PRDM7: variants seen among roughly 807,000 people sequenced by gnomAD.
PRDM7 encodes the protein PR/SET domain 7.
A neutral mutation model predicts 64.3 loss-of-function variants in PRDM7; 52 were observed. That is an observed-to-expected ratio of 0.81 (90% CI 0.65 to 1.02). The LOEUF is 1.02. Ranked by LOEUF, PRDM7 falls within the 50% of genes least tolerant of loss-of-function variation. The probability of loss-of-function intolerance (pLI) is 0.00; values close to 1 mark genes in which losing one functional copy is unlikely to be tolerated. For missense variants in PRDM7, 574 were observed against 597.1 expected, an observed-to-expected ratio of 0.96 and a Z score of 0.40; for synonymous variants, 192 against 210.1, an observed-to-expected ratio of 0.91 and a Z score of 0.74.
Position 90,057,138 on chromosome 16 carries a change from G to C in PRDM7, c.*1151C>G, listed in dbSNP as rs1157619324. 1.3e-5 allele frequency: 2 copies of C among 152,518 alleles called. No individual in the cohort carries two copies. The highest frequency in any genetic ancestry group is 2.9e-5 in the Non-Finnish European group (2 of 68,392). 9.4% of individuals were successfully genotyped at this position (152,518 alleles called of 1,614,324 possible). A position where few individuals can be genotyped will look rare whatever the true frequency, so the allele number is the denominator to read the frequency against. ...CATGCATGCAGGCTTAACACACATA[G>C]CACACGTGAACACATATATACACAC... On this transcript the variant is annotated 3_prime_UTR_variant, in exon 11 of 11. Transcript: ENST00000449207.
chr16:90,063,352 C>G (rs1192703308), intron 6 of PRDM7, among the ~76,000 whole-genome samples: 2 of 152,106 alleles, frequency 1.3e-5, no homozygotes, highest in Non-Finnish European at 2.9e-5. Context: ...GCATGAAAAT[C>G]GCTATTTTCG....
chr16:90,064,538 C>A (rs531141148), intron 5 of PRDM7, among the ~76,000 whole-genome samples: 1 of 151,836 alleles, frequency 6.6e-6, no homozygotes, highest in South Asian at 2.1e-4. Context: ...CTCAGCCTCC[C>A]GAGAAGCTAG....
At chr16:90,064,238 A>G (rs190216392) in intron 5 of PRDM7, among the ~76,000 whole-genome samples, 3 of 152,362 alleles carry the variant, frequency 2.0e-5, no homozygotes, top group Non-Finnish European at 4.4e-5. Flanking sequence ...CTAGACAACT[A>G]AGAAAGTGAA....
intron 6 of PRDM7, 83 bp downstream of exon 6, chr16:90,063,529 G>C (rs1314680498): frequency 6.6e-7 from 1 of 1,506,660 alleles, no homozygotes; most frequent in Non-Finnish European, 9.2e-7. Context: ...CCTATCCAAA[G>C]TCCACCCCAC....
intron 5 of PRDM7, among the ~76,000 whole-genome samples, chr16:90,065,597 T>C (rs1336674517): frequency 6.7e-6 from 1 of 150,254 alleles, no homozygotes; most frequent in African/African-American, 2.5e-5. Context: ...TAGCTGGGCA[T>C]GGTGGTGCAT....
At chr16:90,061,873 G>A (rs1243259579) in intron 8 of PRDM7, 48 bp downstream of exon 8, 1 of 1,612,426 alleles carries the variant, frequency 6.2e-7, no homozygotes, top group Non-Finnish European at 8.5e-7. Flanking sequence ...CAAAGGCACA[G>A]AAGGGATGTG....
At chr16:90,062,617 C>CT (rs2037802179) in intron 6 of PRDM7, 115 bp from the exon 7 acceptor site, 2 of 936,238 alleles carry the variant, frequency 2.1e-6, no homozygotes, top group Middle Eastern at 2.9e-4. Context: ...TCTACATACT[C>CT]TAGTCTCCCT....
intron 4 of PRDM7, among the ~76,000 whole-genome samples, chr16:90,069,207 G>A (rs1047465807): frequency 1.3e-5 from 2 of 151,194 alleles, no homozygotes; most frequent in African/African-American, 4.9e-5. Context: ...ATAAACCCTC[G>A]TGTATATGGT....
rs1309934884 is a variant in PRDM7, at chr16:90,060,425, G to A, written c.1149C>T (p.Cys383=). 2.3e-5 allele frequency: 37 copies of A among 1,613,588 alleles called. No individual in the cohort carries two copies. The highest frequency in any genetic ancestry group is 3.1e-5 in the Non-Finnish European group (36 of 1,179,828). Residue 383 remains cysteine, a synonymous_variant, in exon 10 of 11, where the codon TGC becomes TGT. Transcript: ENST00000449207. ...CCATACTCATCCCCATACCAGACCAGCAGTTCACAGCCTGGCCTAATGACT... is the reference window on the plus strand; with the variant it reads ...CCATACTCATCCCCATACCAGACCAACAGTTCACAGCCTGGCCTAATGACT... ...PAESLGQAVN[C]WSGMGMSMAR... is the part of the protein sequence containing the mutation.
In PRDM7 at chr16:90,063,728, C is replaced by T. The variant is rs2078478; in HGVS notation, c.392G>A (p.Arg131Lys). Reference protein sequence around the residue: ...KASFNNESSLRELSGTPNLLN... With the variant: ...KASFNNESSLKELSGTPNLLN... ...TAAATTTGGCGTTCCTGACAATTCT[C>T]TCAAACTAGATTCATTATTGAATGA... The change falls in exon 6 of 11, where the codon AGA becomes AAA. Residue 131 changes from arginine to lysine, a missense_variant. Physicochemically the swap from Arg to Lys is conservative, Grantham distance 26. Transcript: ENST00000449207. 278,492 of 1,613,850 alleles carry T rather than the reference C, an allele frequency of 0.17. 34,798 individuals carry two copies. Among genetic ancestry groups the T allele is most frequent in the East Asian group, 0.75 (33,868 of 44,874 alleles).
chr16:90,061,333 G>A (rs2037772765), intron 9 of PRDM7, 119 bp downstream of exon 9: 7 of 1,018,594 alleles, frequency 6.9e-6, no homozygotes, highest in Non-Finnish European at 1.0e-5. Context: ...GCATTGTATG[G>A]AGAAAAATAG....
intron 4 of PRDM7, among the ~76,000 whole-genome samples, chr16:90,071,210 C>A (rs185627242): frequency 3.0e-4 from 46 of 152,266 alleles, no homozygotes; most frequent in African/African-American, 1.1e-3. Flanking sequence ...CGGCTCACTG[C>A]AACCTCTGTC....
chr16:90,065,393 GA>G (rs35014946), intron 5 of PRDM7, among the ~76,000 whole-genome samples: 58,646 of 92,532 alleles, frequency 0.63, 17,232 homozygotes, highest in Middle Eastern at 0.78. Context: ...AACTCTGTCT[GA>G]AAAAAAAAAA....
At chr16:90,074,190 T>G (rs536070202) in intron 4 of PRDM7, among the ~76,000 whole-genome samples, 1 of 151,528 alleles carries the variant, frequency 6.6e-6, no homozygotes, top group African/African-American at 2.4e-5. Flanking sequence ...AGCCCAGGAG[T>G]TTCAGGCTGC....
At position 90,065,318 on chromosome 16, in the gene PRDM7, A is replaced by G. The variant is rs546820838; in HGVS notation, c.351+1543T>C. On this transcript the variant is annotated intron_variant, in intron 5 of 10. Coordinates refer to ENST00000449207, the MANE Select transcript of PRDM7 (RefSeq NM_001098173.2). ...TGAGGCAGGAGAACAACTTGAACCC[A>G]GGAGGTGGAGGTTGCAGTGAGCCGA... Among the ~76,000 whole-genome samples the G allele has an allele frequency of 1.4e-3, 197 of 142,790 alleles. 5 individuals are homozygous for G. The highest frequency in any genetic ancestry group is 5.1e-3 in the African/African-American group (193 of 37,538). The allele number at this position is 142,790 out of a possible 152,430, so 93.7% of individuals were successfully genotyped here. A position where few individuals can be genotyped will look rare whatever the true frequency, so the allele number is the denominator to read the frequency against.
At chr16:90,059,652 A>T (rs1182295317) in intron 10 of PRDM7, among the ~76,000 whole-genome samples, 2 of 152,152 alleles carry the variant, frequency 1.3e-5, no homozygotes, top group Non-Finnish European at 2.9e-5. Context: ...CTCTACTGTC[A>T]CCTCACACTG....
intron 4 of PRDM7, among the ~76,000 whole-genome samples, chr16:90,073,566 A>C (rs2037992980): frequency 6.6e-6 from 1 of 151,376 alleles, no homozygotes; most frequent in Non-Finnish European, 1.5e-5. Context: ...TGCCTGGCTA[A>C]TTTTTTGTAT....
At chr16:90,073,402 ATTT>A (rs536683798) in intron 4 of PRDM7, among the ~76,000 whole-genome samples, 1 of 141,712 alleles carries the variant, frequency 7.1e-6, no homozygotes. Context: ...AAGAATGACA[ATTT>A]TTTTTTTTTT....
At position 90,075,292 on chromosome 16, in the gene PRDM7, G is replaced by A; in HGVS notation, c.193+59C>T. The A allele has an allele frequency of 1.9e-6, 3 of 1,612,676 alleles. No individual in the cohort carries two copies. The highest frequency in any genetic ancestry group is 2.5e-6 in the Non-Finnish European group (3 of 1,179,036). On this transcript the variant is annotated intron_variant, in intron 3 of 10. Coordinates refer to ENST00000449207, the MANE Select transcript of PRDM7 (RefSeq NM_001098173.2). This position sits in a 1 kb window ranked among gnomAD's most constrained non-coding sequence, Gnocchi z 4.3. Reference sequence around the variant, plus strand: ...GCCACCTGATAATTAAAATAATATAGGGACCAAAGACCTGTTTTATATCGC... The same window carrying A: ...GCCACCTGATAATTAAAATAATATAAGGACCAAAGACCTGTTTTATATCGC...
Sources: gnomAD v4.1 joint callset for allele counts (sites outside exome capture counted in the v4.1 genomes callset) on GRCh38, gnomAD v4.1.1 for gene constraint, Gnocchi (gnomAD v3.1) non-coding constraint, MANE v1.5 for transcripts, NCBI Gene and HGNC (gene_info 2026-07-23, HGNC 2026-07-21) for gene names.